SLC13A3: variants seen among roughly 807,000 people sequenced by gnomAD.
SLC13A3 encodes the protein Na(+)/dicarboxylate cotransporter 3.
In SLC13A3, 40 loss-of-function variants were observed where a neutral mutation model predicts 59.0. The ratio of observed to expected loss-of-function variants is 0.68; its 90% confidence interval spans 0.53 to 0.88. SLC13A3 has a LOEUF of 0.88. Ranked by LOEUF, SLC13A3 falls within the 40% of genes least tolerant of loss-of-function variation. The pLI, the probability that SLC13A3 is intolerant of heterozygous loss-of-function variation, is 0.00. For missense variants in SLC13A3, 699 were observed against 783.2 expected (o/e 0.89, Z 1.28); for synonymous variants, 317 against 330.3 (o/e 0.96, Z 0.44).
At chr20:46,674,835 T>A (rs550843253), upstream of SLC13A3, among the ~76,000 whole-genome samples, 107 of 152,108 alleles carry the variant, frequency 7.0e-4, no homozygotes, top group African/African-American at 2.4e-3. Context: ...AGAGCCCCAA[T>A]TCTAGAGGGG....
At chr20:46,576,657 C>T (rs1351196023) in intron 9 of SLC13A3, among the ~76,000 whole-genome samples, 1 of 152,104 alleles carries the variant, frequency 6.6e-6, no homozygotes, top group Non-Finnish European at 1.5e-5. Context: ...ACACTTAGAC[C>T]CATGCCTGGT....
chr20:46,646,318 T>G (rs1319164308), intron 1 of SLC13A3, among the ~76,000 whole-genome samples: 1 of 152,234 alleles, frequency 6.6e-6, no homozygotes, highest in Non-Finnish European at 1.5e-5. Context: ...GTGCCTCACT[T>G]TCCTCATCTC....
intron 12 of SLC13A3, among the ~76,000 whole-genome samples, chr20:46,563,201 A>C (rs1317221333): frequency 6.6e-6 from 1 of 152,210 alleles, no homozygotes; most frequent in Non-Finnish European, 1.5e-5. Context: ...AATTTTGGAA[A>C]GTAGTCACTA....
At chr20:46,607,913 A>G (rs1462771096) in intron 3 of SLC13A3, among the ~76,000 whole-genome samples, 1 of 152,188 alleles carries the variant, frequency 6.6e-6, no homozygotes, top group Non-Finnish European at 1.5e-5. Context: ...TCATTCAGAT[A>G]TGAGGTCCAC....
chr20:46,604,103 C>G (rs2062411336), intron 3 of SLC13A3, among the ~76,000 whole-genome samples: 1 of 152,104 alleles, frequency 6.6e-6, no homozygotes, highest in Non-Finnish European at 1.5e-5. Flanking sequence ...GGGAATGATT[C>G]TGACACTCAG....
intron 1 of SLC13A3, among the ~76,000 whole-genome samples, chr20:46,623,994 CCT>C (rs2062642392): frequency 6.6e-6 from 1 of 152,148 alleles, no homozygotes; most frequent in Non-Finnish European, 1.5e-5. Flanking sequence ...ATGCCTACAT[CCT>C]CTCTATTCTC....
chr20:46,608,910 C>T, intron 3 of SLC13A3: 2 of 1,550,832 alleles, frequency 1.3e-6, no homozygotes, highest in Non-Finnish European at 1.7e-6. Context: ...TCACATTCCA[C>T]CCGGCAGGAA....
chr20:46,675,141 T>C (rs2063116893), intron 1 of SLC13A3, among the ~76,000 whole-genome samples: 1 of 151,142 alleles, frequency 6.6e-6, no homozygotes, highest in South Asian at 2.1e-4. Flanking sequence ...CCCAGGGGAA[T>C]AGTGGGGAGA....
chr20:46,563,889 G>A (rs1479767958), intron 11 of SLC13A3, among the ~76,000 whole-genome samples: 1 of 152,298 alleles, frequency 6.6e-6, no homozygotes, highest in Non-Finnish European at 1.5e-5. Context: ...GTTTGATCAG[G>A]GATGGGCTGG....
chr20:46,650,052 C>T (rs2062936985), intron 1 of SLC13A3, among the ~76,000 whole-genome samples: 1 of 152,152 alleles, frequency 6.6e-6, no homozygotes, highest in African/African-American at 2.4e-5. Flanking sequence ...GGTGAAGCAA[C>T]TTCCTGGAGG....
intron 1 of SLC13A3, among the ~76,000 whole-genome samples, chr20:46,626,131 C>G (rs931756884): frequency 2.2e-5 from 3 of 137,586 alleles, no homozygotes; most frequent in African/African-American, 5.6e-5. Context: ...CTGTCTCTCT[C>G]TCTCTCTGTC....
intron 9 of SLC13A3, among the ~76,000 whole-genome samples, chr20:46,576,758 A>G (rs1412658196): frequency 1.3e-5 from 2 of 152,186 alleles, no homozygotes; most frequent in Non-Finnish European, 2.9e-5. Context: ...AAGGCAGTTT[A>G]CCATCTCCCA....
At chr20:46,626,719 G>A (rs1332754875) in intron 1 of SLC13A3, among the ~76,000 whole-genome samples, 1 of 152,140 alleles carries the variant, frequency 6.6e-6, no homozygotes, top group African/African-American at 2.4e-5. Flanking sequence ...CAGGACTTAA[G>A]AACAAAACTA....
At chr20:46,619,022 T>C (rs903605824) in intron 1 of SLC13A3, among the ~76,000 whole-genome samples, 1 of 152,214 alleles carries the variant, frequency 6.6e-6, no homozygotes, top group Admixed American at 6.5e-5. Context: ...ACCTCTTCAT[T>C]GGCACACTTG....
chr20:46,566,537 A>G, intron 10 of SLC13A3, 147 bp from the exon 11 acceptor site: 1 of 823,668 alleles, frequency 1.2e-6, no homozygotes, highest in Non-Finnish European at 1.8e-6. Context: ...GACGTGTCCA[A>G]TGTCACACAT....
At chr20:46,636,465 C>T (rs2062796471) in intron 1 of SLC13A3, among the ~76,000 whole-genome samples, 1 of 152,216 alleles carries the variant, frequency 6.6e-6, no homozygotes, top group Admixed American at 6.5e-5. Context: ...GAGGAAATAT[C>T]CCTTTTGATT....
chr20:46,676,671 G>A (rs537931965), intron 1 of SLC13A3, among the ~76,000 whole-genome samples: 48 of 150,920 alleles, frequency 3.2e-4, no homozygotes, highest in African/African-American at 1.1e-3. Flanking sequence ...CTGCAGCCTT[G>A]AACTCCTGGG....
chr20:46,664,037 T>C (rs2063048134), intron 1 of SLC13A3, among the ~76,000 whole-genome samples: 1 of 152,226 alleles, frequency 6.6e-6, no homozygotes, highest in Non-Finnish European at 1.5e-5. Flanking sequence ...CATGCACTTC[T>C]TTAAACTTCT....
At chr20:46,609,981 C>A (rs2062477112) in intron 3 of SLC13A3, among the ~76,000 whole-genome samples, 1 of 152,234 alleles carries the variant, frequency 6.6e-6, no homozygotes, top group South Asian at 2.1e-4. Context: ...AGTCCACACT[C>A]TTTCTAGCAG....
Sources: gnomAD v4.1 joint callset for allele counts (sites outside exome capture counted in the v4.1 genomes callset) on GRCh38, gnomAD v4.1.1 for gene constraint, MANE v1.5 for transcripts, NCBI Gene and HGNC (gene_info 2026-07-23, HGNC 2026-07-21) for gene names.